SPTBN1: variants seen among roughly 807,000 people sequenced by gnomAD.
SPTBN1 encodes the protein spectrin beta chain, non-erythrocytic 1.
A neutral mutation model predicts 266.4 loss-of-function variants in SPTBN1; 32 were observed. The observed-to-expected ratio is 0.12, with a 90% CI of 0.09 to 0.16. The LOEUF (loss-of-function observed/expected upper bound fraction) is 0.16. Ranked by LOEUF, SPTBN1 falls within the 10% of genes least tolerant of loss-of-function variation. The pLI is 1.00. For missense variants in SPTBN1, 2,296 were observed against 3,067.1 expected (o/e 0.75, Z 5.94); for synonymous variants, 1,336 against 1,162.2 (o/e 1.15, Z -3.04).
intron 33 of SPTBN1, 46 bp from the exon 34 acceptor site, chr2:54,665,869 T>C: frequency 6.4e-7 from 1 of 1,568,588 alleles, no homozygotes; most frequent in Non-Finnish European, 8.6e-7. Context: ...AAGGGGAATG[T>C]GGTAGAGCCT....
intron 1 of SPTBN1, among the ~76,000 whole-genome samples, chr2:54,478,638 GT>G (rs1667962508): frequency 6.6e-6 from 1 of 152,198 alleles, no homozygotes; most frequent in African/African-American, 2.4e-5. Flanking sequence ...ATATGTGGAA[GT>G]ACTTGGTGTC....
In SPTBN1 at chr2:54,622,341, G is replaced by A; in HGVS notation, c.918G>A (p.Lys306=). The A allele has an allele frequency of 1.2e-6, 2 of 1,614,202 alleles. No individual in the cohort carries two copies. Among genetic ancestry groups the A allele is most frequent in the African/African-American group, 1.3e-5 (1 of 75,056 alleles). Residue 306 remains lysine (K), a synonymous_variant, in exon 9 of 36, where the codon AAG becomes AAA. Transcript: ENST00000356805. ...TTGAAACAGAAAAAATGATTGAAAA[G>A]TATGAATCACTTGCCTCTGACCTTC... ...NAIETEKMIE[K]YESLASDLLE...
intron 1 of SPTBN1, among the ~76,000 whole-genome samples, chr2:54,471,131 C>G (rs1302854580): frequency 6.6e-6 from 1 of 152,130 alleles, no homozygotes; most frequent in Non-Finnish European, 1.5e-5. Flanking sequence ...TGCCTGTAAT[C>G]CCAGCACTTT....
At chr2:54,544,895 T>C (rs1412228843) in intron 2 of SPTBN1, among the ~76,000 whole-genome samples, 1 of 152,184 alleles carries the variant, frequency 6.6e-6, no homozygotes, top group Non-Finnish European at 1.5e-5. Flanking sequence ...TCATTTACAT[T>C]AGATATTTCT....
intron 2 of SPTBN1, among the ~76,000 whole-genome samples, chr2:54,576,533 A>G (rs1190899559): frequency 4.6e-5 from 7 of 152,082 alleles, no homozygotes; most frequent in Non-Finnish European, 1.0e-4. Context: ...TCAACTGACA[A>G]ATCCTGGAAG....
At chr2:54,538,235 C>T (rs764505020) in intron 2 of SPTBN1, among the ~76,000 whole-genome samples, 11 of 152,114 alleles carry the variant, frequency 7.2e-5, no homozygotes, top group African/African-American at 2.4e-4. Context: ...ATGCCTTTAA[C>T]ATGGTGTTTC....
In SPTBN1 at chr2:54,649,128, A is replaced by C. The variant is rs1680102756; in HGVS notation, c.5140A>C (p.Ile1714Leu). 6.2e-7 allele frequency: 1 copy of C among 1,613,404 alleles called. No individual in the cohort carries two copies. Among genetic ancestry groups the C allele is most frequent in the Non-Finnish European group, 8.5e-7 (1 of 1,179,500 alleles). The change falls in exon 25 of 36, where the codon ATC becomes CTC. Residue 1714 changes from isoleucine to leucine, a missense_variant. Physicochemically the swap from Ile to Leu is conservative, Grantham distance 5. Coordinates refer to ENST00000356805, the MANE Select transcript of SPTBN1 (RefSeq NM_003128.3). The surrounding 1 kb of genome is among the most constrained non-coding windows in gnomAD (Gnocchi z 6.7). ...GGAGGTGGACGACCTGGAGCAGTGG[A>C]TCGCTGAGAGGGAGGTGGTCGCAGG... ...NREVDDLEQW[I>L]AEREVVAGSH...
intron 31 of SPTBN1, among the ~76,000 whole-genome samples, chr2:54,659,651 C>G (rs1020993304): frequency 4.6e-5 from 7 of 152,122 alleles, no homozygotes; most frequent in African/African-American, 1.4e-4. Context: ...AGCAATTATT[C>G]TCTACTTCCA....
At chr2:54,600,264 T>C (rs1013826499) in intron 3 of SPTBN1, among the ~76,000 whole-genome samples, 1 of 152,188 alleles carries the variant, frequency 6.6e-6, no homozygotes, top group African/African-American at 2.4e-5. Context: ...TGGGTTGAAA[T>C]GGAGCCAGAA....
chr2:54,482,044 C>T (rs958851516), intron 1 of SPTBN1, among the ~76,000 whole-genome samples: 1 of 152,086 alleles, frequency 6.6e-6, no homozygotes, highest in Non-Finnish European at 1.5e-5. Flanking sequence ...TGGCATAGTA[C>T]CACAGGATTG....
intron 2 of SPTBN1, among the ~76,000 whole-genome samples, chr2:54,582,284 G>A (rs1024332962): frequency 6.6e-6 from 1 of 152,162 alleles, no homozygotes; most frequent in Non-Finnish European, 1.5e-5. Flanking sequence ...ACTTAAAAAG[G>A]AAGGTGTCGA....
intron 26 of SPTBN1, among the ~76,000 whole-genome samples, chr2:54,650,393 A>G (rs1680191173): frequency 6.6e-6 from 1 of 152,250 alleles, no homozygotes; most frequent in African/African-American, 2.4e-5. Context: ...CTGACATTTT[A>G]TCATGCCTCG....
intron 2 of SPTBN1, among the ~76,000 whole-genome samples, chr2:54,572,768 A>C (rs1281280432): frequency 6.6e-6 from 1 of 152,210 alleles, no homozygotes; most frequent in Non-Finnish European, 1.5e-5. Flanking sequence ...CTCGTTCAGC[A>C]GTGGGCTTGA....
At chr2:54,552,774 C>G (rs1193557486) in intron 2 of SPTBN1, among the ~76,000 whole-genome samples, 1 of 152,248 alleles carries the variant, frequency 6.6e-6, no homozygotes, top group Non-Finnish European at 1.5e-5. Context: ...CTTTTAACCA[C>G]TTTTTCTCCT....
intron 17 of SPTBN1, 34 bp from the exon 18 acceptor site, chr2:54,637,679 T>C: frequency 6.5e-7 from 1 of 1,541,248 alleles, no homozygotes; most frequent in South Asian, 1.2e-5. Context: ...TCTACTTCCT[T>C]TTTTAAAAAT....
intron 17 of SPTBN1, among the ~76,000 whole-genome samples, chr2:54,633,215 T>G (rs1287641790): frequency 2.0e-5 from 3 of 152,194 alleles, no homozygotes; most frequent in Non-Finnish European, 4.4e-5. Flanking sequence ...TTGCTTGTTC[T>G]GAGTACCTGG....
rs1234582560 is a variant in SPTBN1, at chr2:54,646,733, C to G, written c.4866+258C>G. Among the ~76,000 whole-genome samples the G allele has an allele frequency of 6.6e-6, 1 of 152,206 alleles. No individual in the cohort carries two copies. The highest frequency in any genetic ancestry group is 1.5e-5 in the Non-Finnish European group (1 of 68,036). ...TTGAAATATGCCAGAGTCCTTCCTG[C>G]TGTCTATTTATAGGTTCCCTAAACT... On this transcript the variant is annotated intron_variant, in intron 23 of 35. Transcript: ENST00000356805. This position sits in a 1 kb window ranked among gnomAD's most constrained non-coding sequence, Gnocchi z 4.4.
chr2:54,655,020 T>C, intron 27 of SPTBN1, 50 bp from the exon 28 acceptor site: 1 of 1,568,572 alleles, frequency 6.4e-7, no homozygotes, highest in Non-Finnish European at 8.6e-7. Context: ...ACCTACACAT[T>C]TTTTGAAAAG....
chr2:54,611,191 A>T (rs966031923), intron 3 of SPTBN1, among the ~76,000 whole-genome samples: 2 of 152,314 alleles, frequency 1.3e-5, no homozygotes, highest in Non-Finnish European at 2.9e-5. Flanking sequence ...CATTCATGAC[A>T]TACCTTTTTC....
Sources: gnomAD v4.1 joint callset for allele counts (sites outside exome capture counted in the v4.1 genomes callset) on GRCh38, gnomAD v4.1.1 for gene constraint, Gnocchi (gnomAD v3.1) non-coding constraint, MANE v1.5 for transcripts, NCBI Gene and HGNC (gene_info 2026-07-23, HGNC 2026-07-21) for gene names.